FHL2: variants seen among roughly 807,000 people sequenced by gnomAD.
FHL2 encodes the protein four and a half LIM domains protein 2.
In FHL2, 20 loss-of-function variants were observed where a neutral mutation model predicts 32.7. That is an observed-to-expected ratio of 0.61 (90% CI 0.43 to 0.89). The LOEUF is 0.89. Among genes scored for constraint, FHL2 ranks in the 40% least tolerant of loss-of-function variants. The pLI is 0.00. For missense variants in FHL2, 311 were observed against 358.6 expected (o/e 0.87, Z 1.07); for synonymous variants, 123 against 128.1 (o/e 0.96, Z 0.27).
At chr2:105,437,894 C>T (rs1243854696) in intron 1 of FHL2, among the ~76,000 whole-genome samples, 1 of 152,224 alleles carries the variant, frequency 6.6e-6, no homozygotes, top group Non-Finnish European at 1.5e-5. Flanking sequence ...TGCATAAACA[C>T]ACTTTCCCAG....
intron 2 of FHL2, among the ~76,000 whole-genome samples, chr2:105,394,592 G>A (rs1682990807): frequency 1.3e-5 from 2 of 148,520 alleles, no homozygotes; most frequent in African/African-American, 2.5e-5. Context: ...AAAAAAAAAA[G>A]AAAAGAAGGA....
chr2:105,382,606 C>T (rs1040598581), intron 3 of FHL2, among the ~76,000 whole-genome samples: 2 of 152,224 alleles, frequency 1.3e-5, no homozygotes, highest in Non-Finnish European at 2.9e-5. Context: ...AGTCATCAGG[C>T]AATACACAGT....
intron 3 of FHL2, chr2:105,375,114 A>C (rs1259649197): frequency 6.6e-6 from 1 of 151,180 alleles, no homozygotes; most frequent in Non-Finnish European, 1.5e-5. Flanking sequence ...TAGAACAAAC[A>C]GTTCTCTTTT....
chr2:105,414,953 A>G (rs966346773), intron 1 of FHL2, among the ~76,000 whole-genome samples: 1 of 152,236 alleles, frequency 6.6e-6, no homozygotes, highest in Non-Finnish European at 1.5e-5. Context: ...TCAGTAACCT[A>G]TGACTTACAA....
At chr2:105,383,604 G>A (rs528392338) in intron 3 of FHL2, among the ~76,000 whole-genome samples, 1 of 152,266 alleles carries the variant, frequency 6.6e-6, no homozygotes, top group East Asian at 1.9e-4. Context: ...GTCCTTTAGA[G>A]GGAAGTAGCT....
intron 5 of FHL2, among the ~76,000 whole-genome samples, chr2:105,365,250 G>T (rs1351437473): frequency 1.3e-5 from 2 of 152,168 alleles, no homozygotes. Flanking sequence ...AACTACTGAC[G>T]GGTTTGACAC....
At chr2:105,420,685 A>G (rs915852633) in intron 1 of FHL2, among the ~76,000 whole-genome samples, 14 of 152,084 alleles carry the variant, frequency 9.2e-5, no homozygotes, top group African/African-American at 3.4e-4. Flanking sequence ...TTTTCCATGA[A>G]TTGGGAGGTG....
chr2:105,394,881 G>A (rs1683015522), intron 2 of FHL2, among the ~76,000 whole-genome samples: 2 of 152,126 alleles, frequency 1.3e-5, no homozygotes, highest in South Asian at 2.1e-4. Flanking sequence ...TTCTGCATGA[G>A]GCAATGTTTG....
chr2:105,418,012 T>C (rs1683985166), intron 1 of FHL2, among the ~76,000 whole-genome samples: 1 of 152,124 alleles, frequency 6.6e-6, no homozygotes, highest in African/African-American at 2.4e-5. Context: ...AAAAACTCCT[T>C]GAAAAGGACT....
chr2:105,431,155 A>G (rs989466461), intron 1 of FHL2, among the ~76,000 whole-genome samples: 1 of 152,188 alleles, frequency 6.6e-6, no homozygotes, highest in Non-Finnish European at 1.5e-5. Flanking sequence ...AGTTTCTAAG[A>G]TCTCAAATTA....
At chr2:105,433,285 A>C (rs894847716) in intron 1 of FHL2, among the ~76,000 whole-genome samples, 1 of 151,494 alleles carries the variant, frequency 6.6e-6, no homozygotes, top group African/African-American at 2.4e-5. Flanking sequence ...AGTTCAAGCA[A>C]TTCTCCTCCC....
chr2:105,390,875 C>T (rs1682675894), intron 2 of FHL2, among the ~76,000 whole-genome samples: 1 of 151,530 alleles, frequency 6.6e-6, no homozygotes, highest in African/African-American at 2.4e-5. Context: ...CAGCTCACTG[C>T]AGCCTCCACC....
chr2:105,401,341 A>C (rs1248401197), upstream of FHL2, among the ~76,000 whole-genome samples: 2 of 152,210 alleles, frequency 1.3e-5, no homozygotes, highest in Non-Finnish European at 2.9e-5. Context: ...GGGGAAATGG[A>C]TAGGGCCTAT....
rs562274482 is a variant in FHL2 at position 105,369,161 on chromosome 2, A to G, written c.332-1422T>C. ...CTGGGGACTGTGGCATGAGGGTCAC[A>G]TACATGTGACTTCAACTGGGGGTCA... On this transcript the variant is annotated intron_variant, in intron 4 of 6. Transcript: ENST00000530340. Among the ~76,000 whole-genome samples the G allele has an allele frequency of 6.6e-5, 10 of 152,326 alleles. No homozygotes were observed. In the South Asian group the frequency reaches 1.2e-3, roughly 19 times the overall value.
chr2:105,422,196 A>G (rs1226467803), intron 1 of FHL2, among the ~76,000 whole-genome samples: 1 of 152,206 alleles, frequency 6.6e-6, no homozygotes, highest in Non-Finnish European at 1.5e-5. Flanking sequence ...TGGTTTGCTT[A>G]TGTTTGTAAC....
intron 1 of FHL2, among the ~76,000 whole-genome samples, chr2:105,411,245 AG>A (rs1419734964): frequency 2.6e-4 from 40 of 152,332 alleles, no homozygotes; most frequent in Middle Eastern, 6.8e-3. Flanking sequence ...GATGCATTAA[AG>A]GTTATTAGCA....
chr2:105,430,105 A>C (rs1422434600), intron 1 of FHL2, among the ~76,000 whole-genome samples: 2 of 152,184 alleles, frequency 1.3e-5, no homozygotes. Flanking sequence ...GTGTAGTGGA[A>C]ATTTTTAAAG....
At chr2:105,391,334 G>A (rs937068378) in intron 2 of FHL2, among the ~76,000 whole-genome samples, 1 of 152,164 alleles carries the variant, frequency 6.6e-6, no homozygotes, top group African/African-American at 2.4e-5. Context: ...AGTGCGTGCT[G>A]GAGGTGCACA....
intron 2 of FHL2, among the ~76,000 whole-genome samples, chr2:105,390,979 A>ATGTG (rs200723734): frequency 6.7e-6 from 1 of 148,860 alleles, no homozygotes; most frequent in African/African-American, 2.5e-5. Context: ...GTGTGTGTGT[A>ATGTG]TGTGTGTGTG....
Sources: gnomAD v4.1 joint callset for allele counts (sites outside exome capture counted in the v4.1 genomes callset) on GRCh38, gnomAD v4.1.1 for gene constraint, MANE v1.5 for transcripts, NCBI Gene and HGNC (gene_info 2026-07-23, HGNC 2026-07-21) for gene names.